Variants in AKAP13 observed in about 807,000 individuals in gnomAD.
The protein encoded by AKAP13 is A-kinase anchoring protein 13.
In AKAP13, 80 loss-of-function variants were observed where a neutral mutation model predicts 264.5. The ratio of observed to expected loss-of-function variants is 0.30; its 90% CI spans 0.25 to 0.36. AKAP13 has a LOEUF of 0.36. AKAP13 is among the 10% of genes least tolerant of loss of function. AKAP13 has a pLI of 1.00. For synonymous variants in AKAP13, 1,380 were observed against 1,250.2 expected, an observed-to-expected ratio of 1.10 and a Z score of -2.19; for missense variants, 3,712 against 3,435.2, an observed-to-expected ratio of 1.08 and a Z score of -2.01.
chr15:85,639,592 G>A (rs908595149), intron 9 of AKAP13, 143 bp downstream of exon 9: 4 of 651,020 alleles, frequency 6.1e-6, no homozygotes, highest in African/African-American at 3.7e-5. Context: ...TAGGCATTTT[G>A]TCTTACAGTT....
chr15:85,675,684 C>T (rs1597015465), intron 14 of AKAP13, among the ~76,000 whole-genome samples: 1 of 152,150 alleles, frequency 6.6e-6, no homozygotes, highest in South Asian at 2.1e-4. Context: ...GACTGACAGA[C>T]CTAAGGGGTC....
At chr15:85,438,577 G>T (rs1485221396) in intron 1 of AKAP13, among the ~76,000 whole-genome samples, 2 of 144,934 alleles carry the variant, frequency 1.4e-5, no homozygotes, top group Non-Finnish European at 3.0e-5. Flanking sequence ...ATACTACAAG[G>T]CTACAGTAAC....
intron 10 of AKAP13, among the ~76,000 whole-genome samples, chr15:85,648,383 C>CA (rs748950864): frequency 9.9e-5 from 15 of 152,230 alleles, no homozygotes; most frequent in Non-Finnish European, 1.9e-4. Context: ...TCTGCAGACT[C>CA]AGAGTTACTT....
At chr15:85,613,687 A>ATATATATATGTGTGTGTATATATATGT in intron 8 of AKAP13, among the ~76,000 whole-genome samples, 1 of 67,236 alleles carries the variant, frequency 1.5e-5, no homozygotes. Flanking sequence ...TCTAAAAAAA[A>ATATATATATGTGTGTGTATATATATGT]AAAAATATAT....
chr15:85,467,439 C>T (rs949780312), intron 1 of AKAP13, among the ~76,000 whole-genome samples: 1 of 152,078 alleles, frequency 6.6e-6, no homozygotes, highest in African/African-American at 2.4e-5. Flanking sequence ...TTTAAAGAGC[C>T]ATGAGTTATT....
Position 85,664,757 on chromosome 15 carries a change from TAAG to T in AKAP13, c.4992+3_4992+5del. 6.2e-7 allele frequency: 1 copy of T among 1,611,174 alleles called. No individual in the cohort carries two copies. Among genetic ancestry groups the T allele is most frequent in the Non-Finnish European group, 8.5e-7 (1 of 1,178,744 alleles). Reference sequence around the variant, plus strand: ...GAACATAGGATGTTTGATCAGCAGGTAAGTCTTAAATATGTCTAATTTGGAAAA... The same window carrying T: ...GAACATAGGATGTTTGATCAGCAGGTTCTTAAATATGTCTAATTTGGAAAA... On this transcript the variant is annotated splice_donor_5th_base_variant and intron_variant, in intron 13 of 36. Coordinates refer to ENST00000394518, the MANE Select transcript of AKAP13 (RefSeq NM_007200.5).
intron 1 of AKAP13, among the ~76,000 whole-genome samples, chr15:85,410,343 T>G (rs2071900312): frequency 6.6e-6 from 1 of 151,596 alleles, no homozygotes; most frequent in African/African-American, 2.4e-5. Context: ...CTTGTCGACT[T>G]TCACCTGGGT....
intron 1 of AKAP13, among the ~76,000 whole-genome samples, chr15:85,465,994 C>T (rs1017204675): frequency 4.6e-5 from 7 of 151,942 alleles, no homozygotes; most frequent in African/African-American, 1.7e-4. Context: ...TCCTATTTCT[C>T]CACATCCTCT....
At chr15:85,459,967 G>T (rs1431096445) in intron 1 of AKAP13, among the ~76,000 whole-genome samples, 1 of 151,940 alleles carries the variant, frequency 6.6e-6, no homozygotes, top group Admixed American at 6.6e-5. Context: ...TATTACTATT[G>T]CCCATATTTA....
intron 2 of AKAP13, among the ~76,000 whole-genome samples, chr15:85,506,065 G>C (rs1255971935): frequency 6.6e-6 from 1 of 152,164 alleles, no homozygotes; most frequent in Non-Finnish European, 1.5e-5. Context: ...AGACCGAGGA[G>C]GTGGGCGGAT....
chr15:85,463,739 G>A (rs546564494), intron 1 of AKAP13, among the ~76,000 whole-genome samples: 8 of 152,136 alleles, frequency 5.3e-5, no homozygotes, highest in Non-Finnish European at 1.0e-4. Flanking sequence ...AAGGCAGTGA[G>A]TTCTATTGAT....
chr15:85,534,089 C>T (rs2077317791), intron 4 of AKAP13: 1 of 528,186 alleles, frequency 1.9e-6, no homozygotes, highest in Non-Finnish European at 3.2e-6. Context: ...CGAAATGACC[C>T]TAGGGATTAC....
chr15:85,729,439 G>A (rs1464574529), intron 29 of AKAP13, among the ~76,000 whole-genome samples: 2 of 152,210 alleles, frequency 1.3e-5, no homozygotes, highest in Non-Finnish European at 2.9e-5. Flanking sequence ...CCACACTAAA[G>A]GGAGGAGGTA....
chr15:85,692,517 GGCAGTA>G (rs898036635), intron 16 of AKAP13, among the ~76,000 whole-genome samples: 1 of 151,920 alleles, frequency 6.6e-6, no homozygotes, highest in Non-Finnish European at 1.5e-5. Context: ...TGGTGGTGGT[GGCAGTA>G]GTGGTAGTAG....
intron 4 of AKAP13, among the ~76,000 whole-genome samples, chr15:85,539,736 GCCTT>G (rs754185108): frequency 2.0e-5 from 3 of 152,124 alleles, no homozygotes; most frequent in Non-Finnish European, 2.9e-5. Flanking sequence ...GACATTTTCT[GCCTT>G]CCTTCTCTGT....
chr15:85,628,411 T>C (rs766950613), intron 8 of AKAP13, among the ~76,000 whole-genome samples: 41 of 152,172 alleles, frequency 2.7e-4, no homozygotes, highest in Non-Finnish European at 5.3e-4. Context: ...TCTGCTAGAT[T>C]TCCCAATCCT....
intron 1 of AKAP13, among the ~76,000 whole-genome samples, chr15:85,443,956 C>A (rs1204896499): frequency 6.6e-6 from 1 of 152,118 alleles, no homozygotes; most frequent in Non-Finnish European, 1.5e-5. Context: ...GCCATAGTAA[C>A]CTTTTTGAAA....
chr15:85,733,981 T>C (rs1362944207), intron 30 of AKAP13, among the ~76,000 whole-genome samples: 1 of 149,124 alleles, frequency 6.7e-6, no homozygotes, highest in African/African-American at 2.4e-5. Flanking sequence ...GCTGGGTTTA[T>C]GGGCATGCAC....
chr15:85,449,018 T>G (rs991131624), intron 1 of AKAP13, among the ~76,000 whole-genome samples: 4 of 152,168 alleles, frequency 2.6e-5, no homozygotes, highest in African/African-American at 9.7e-5. Flanking sequence ...ATGATATTGA[T>G]TCTTCCTATC....
Sources: gnomAD v4.1 joint callset for allele counts (sites outside exome capture counted in the v4.1 genomes callset) on GRCh38, gnomAD v4.1.1 for gene constraint, MANE v1.5 for transcripts, NCBI Gene and HGNC (gene_info 2026-07-23, HGNC 2026-07-21) for gene names.